The following ACACA variants were observed in gnomAD, a reference collection of about 807,000 sequenced individuals.
ACACA encodes the protein acetyl-CoA carboxylase alpha, also known as acetyl-CoA carboxylase 1.
In ACACA, 103 loss-of-function variants were observed where a neutral mutation model predicts 296.1. The observed-to-expected ratio is 0.35, with a 90% CI of 0.30 to 0.41. ACACA has a LOEUF of 0.41. ACACA is among the 10% of genes least tolerant of loss of function. ACACA has a pLI of 1.00. For synonymous variants in ACACA, 953 were observed against 1,038.6 expected (o/e 0.92, Z 1.58); for missense variants, 1,554 against 2,989.7 (o/e 0.52, Z 11.20).
At chr17:37,259,252 G>T in intron 12 of ACACA, 108 bp downstream of exon 12, 1 of 1,239,366 alleles carries the variant, frequency 8.1e-7, no homozygotes, top group Non-Finnish European at 1.2e-6. Flanking sequence ...TGACCATTAG[G>T]TGTGACTCAG....
chr17:37,306,784 T>A (rs769036142), intron 3 of ACACA, among the ~76,000 whole-genome samples: 2 of 152,092 alleles, frequency 1.3e-5, no homozygotes, highest in Non-Finnish European at 2.9e-5. Flanking sequence ...AACCTCTGCC[T>A]CCTGGGATCA....
At chr17:37,196,564 T>C (rs1255847145) in intron 35 of ACACA, among the ~76,000 whole-genome samples, 1 of 151,882 alleles carries the variant, frequency 6.6e-6, no homozygotes, top group Non-Finnish European at 1.5e-5. Context: ...GAAGAAGTCC[T>C]GAAAATTTGT....
chr17:37,246,801 C>T (rs1185257316), intron 19 of ACACA, 25 bp downstream of exon 19: 3 of 1,612,794 alleles, frequency 1.9e-6, no homozygotes, highest in East Asian at 4.5e-5. Context: ...CTCCCATGAT[C>T]CCACAGTCCT....
intron 1 of ACACA, among the ~76,000 whole-genome samples, chr17:37,371,225 A>C (rs1210811424): frequency 6.6e-6 from 1 of 151,696 alleles, no homozygotes; most frequent in African/African-American, 2.4e-5. Context: ...GATTACAGGC[A>C]TCTGCCACCA....
chr17:37,154,808 AT>A (rs1353041270), intron 43 of ACACA, among the ~76,000 whole-genome samples: 1 of 152,184 alleles, frequency 6.6e-6, no homozygotes, highest in African/African-American at 2.4e-5. Context: ...AGCAATTAAC[AT>A]TCTTAAAAAT....
At chr17:37,295,749 C>A (rs1053910944) in intron 3 of ACACA, among the ~76,000 whole-genome samples, 5 of 151,966 alleles carry the variant, frequency 3.3e-5, no homozygotes, top group Non-Finnish European at 7.4e-5. Flanking sequence ...ACAGTGAAAC[C>A]CCATCTCTAC....
At chr17:37,162,709 AT>A (rs2076510340) in intron 41 of ACACA, 1 of 240,532 alleles carries the variant, frequency 4.2e-6, no homozygotes, top group Non-Finnish European at 8.0e-6. Context: ...TGGTATGCGA[AT>A]CTTGCACCTA....
rs188499785 is a variant in ACACA, at chr17:37,361,077, C to T, written c.39-21227G>A. On this transcript the variant is annotated intron_variant, in intron 1 of 55. Coordinates refer to ENST00000616317, the MANE Select transcript of ACACA (RefSeq NM_198834.3). The stretch of plus-strand genomic sequence containing the variant: ...TTTTTGAGATGGAGTCTCGCTCTGT[C>T]GCCCAGGCTGGAGTGCCGTGGTGCA... Among the ~76,000 whole-genome samples, 257 of 142,644 alleles carry T rather than the reference C, an allele frequency of 1.8e-3. 3 individuals carry two copies. Among genetic ancestry groups the T allele is most frequent in the East Asian group, 0.015 (71 of 4,850 alleles). The allele number at this position is 142,644 out of a possible 152,430, so 93.6% of individuals were successfully genotyped here.
At chr17:37,108,449 C>T (rs2073809868) in intron 52 of ACACA, among the ~76,000 whole-genome samples, 4 of 151,490 alleles carry the variant, frequency 2.6e-5, no homozygotes, top group Admixed American at 1.3e-4. Flanking sequence ...AGTGCAATGG[C>T]GCGATCTCGG....
chr17:37,359,228 T>C (rs1206034835), intron 1 of ACACA: 34 of 795,370 alleles, frequency 4.3e-5, no homozygotes, highest in Non-Finnish European at 5.2e-5. Context: ...CCGGGGTTAC[T>C]CCAGGCCGTT....
chr17:37,120,185 G>A (rs2074459803), intron 50 of ACACA, among the ~76,000 whole-genome samples: 1 of 151,502 alleles, frequency 6.6e-6, no homozygotes, highest in South Asian at 2.1e-4. Flanking sequence ...GAGCCACCGC[G>A]CCTGGCCATC....
intron 1 of ACACA, among the ~76,000 whole-genome samples, chr17:37,381,845 T>G (rs569827123): frequency 1.3e-5 from 2 of 151,894 alleles, no homozygotes; most frequent in East Asian, 1.9e-4. Flanking sequence ...GCCAGGATGG[T>G]CTCGATCGCC....
At chr17:37,303,007 G>C (rs1161522563) in intron 3 of ACACA, among the ~76,000 whole-genome samples, 2 of 151,906 alleles carry the variant, frequency 1.3e-5, no homozygotes, top group Non-Finnish European at 2.9e-5. Flanking sequence ...TGTTGCACAG[G>C]CTGGACTTAA....
At chr17:37,308,980 G>A (rs2146977247) in intron 3 of ACACA, among the ~76,000 whole-genome samples, 1 of 152,206 alleles carries the variant, frequency 6.6e-6, no homozygotes, top group East Asian at 1.9e-4. Flanking sequence ...TTCCCAATCA[G>A]TCTTTATACC....
At chr17:37,289,671 G>C in intron 3 of ACACA, 1 of 472,434 alleles carries the variant, frequency 2.1e-6, no homozygotes, top group South Asian at 1.6e-5. Flanking sequence ...CTCTATTACA[G>C]CTTGGCTTTC....
chr17:37,225,141 C>T (rs377087408), intron 26 of ACACA, 36 bp from the exon 27 acceptor site: 6 of 1,262,714 alleles, frequency 4.8e-6, no homozygotes, highest in African/African-American at 4.4e-5. Flanking sequence ...ACACATTCCT[C>T]GGAGTGATTA....
intron 1 of ACACA, among the ~76,000 whole-genome samples, chr17:37,371,137 T>C (rs903435582): frequency 3.9e-5 from 6 of 152,076 alleles, no homozygotes; most frequent in African/African-American, 1.4e-4. Context: ...TGGAGTGCAA[T>C]GTCACGATCT....
At chr17:37,372,237 C>A (rs1363615247) in intron 1 of ACACA, among the ~76,000 whole-genome samples, 1 of 151,872 alleles carries the variant, frequency 6.6e-6, no homozygotes, top group Non-Finnish European at 1.5e-5. Flanking sequence ...CACGGTGAAA[C>A]CCCATCTCTA....
chr17:37,379,722 G>C (rs2050161718), intron 1 of ACACA, among the ~76,000 whole-genome samples: 1 of 151,316 alleles, frequency 6.6e-6, no homozygotes, highest in African/African-American at 2.4e-5. Flanking sequence ...AAACCACAAT[G>C]AGATACCATC....
Sources: gnomAD v4.1 joint callset for allele counts (sites outside exome capture counted in the v4.1 genomes callset) on GRCh38, gnomAD v4.1.1 for gene constraint, MANE v1.5 for transcripts, NCBI Gene and HGNC (gene_info 2026-07-23, HGNC 2026-07-21) for gene names.